AP3B2: variants seen among roughly 807,000 people sequenced by gnomAD.
AP3B2 encodes adaptor related protein complex 3 subunit beta 2, also known as AP-3 complex subunit beta-2.
A neutral mutation model predicts 126.9 loss-of-function variants in AP3B2; 50 were observed. The observed-to-expected ratio is 0.39, with a 90% CI of 0.31 to 0.50. AP3B2 has a LOEUF of 0.50. AP3B2 is among the 20% of genes least tolerant of loss of function. AP3B2 has a pLI of 0.79. For synonymous variants in AP3B2, 541 were observed against 565.0 expected, an observed-to-expected ratio of 0.96 and a Z score of 0.60; for missense variants, 1,177 against 1,426.4, an observed-to-expected ratio of 0.83 and a Z score of 2.82.
intron 4 of AP3B2, 197 bp downstream of exon 4, chr15:82,688,538 TC>T (rs1232072456): frequency 1.4e-6 from 1 of 705,756 alleles, no homozygotes; most frequent in Non-Finnish European, 2.6e-6. Flanking sequence ...CCACTTCATC[TC>T]TTACGCCCCT....
At chr15:82,669,852 T>G (rs548203662) in intron 14 of AP3B2, among the ~76,000 whole-genome samples, 2 of 149,090 alleles carry the variant, frequency 1.3e-5, no homozygotes, top group African/African-American at 4.9e-5. Flanking sequence ...AAATACAAAA[T>G]TAGCTGGGCA....
chr15:82,681,877 T>C lies in AP3B2; in HGVS notation c.361-297A>G, dbSNP rs1319934194. ...AACACCTGAAACACTTCCTGTTCCT[T>C]GTAAGGGTTTTTTTGGAGGTGCCTG... On this transcript the variant is annotated intron_variant, in intron 4 of 26. Transcript: ENST00000535359. This position sits in a 1 kb window ranked among gnomAD's most constrained non-coding sequence, Gnocchi z 4.0. Among the ~76,000 whole-genome samples the C allele has an allele frequency of 1.3e-5, 2 of 152,100 alleles. No homozygotes were observed. Among genetic ancestry groups the C allele is most frequent in the Admixed American group, 6.5e-5 (1 of 15,268 alleles).
At chr15:82,709,272 G>A (rs2048841207) in intron 1 of AP3B2, among the ~76,000 whole-genome samples, 1 of 152,186 alleles carries the variant, frequency 6.6e-6, no homozygotes, top group Admixed American at 6.5e-5. Context: ...GCACGAAAAA[G>A]GAAGGGAACC....
chr15:82,674,021 C>T (rs2048202065), intron 14 of AP3B2, among the ~76,000 whole-genome samples: 1 of 152,178 alleles, frequency 6.6e-6, no homozygotes, highest in Admixed American at 6.5e-5. Flanking sequence ...TCCCCCGCCA[C>T]CTGCATGTTA....
At chr15:82,678,257 A>G (rs1299320916) in intron 10 of AP3B2, 90 bp from the exon 11 acceptor site, 3 of 1,240,820 alleles carry the variant, frequency 2.4e-6, no homozygotes, top group Admixed American at 1.9e-5. Context: ...TAGACCAGAA[A>G]ACAATCCTCA....
chr15:82,671,425 C>A (rs1036321939), intron 14 of AP3B2, among the ~76,000 whole-genome samples: 1 of 152,146 alleles, frequency 6.6e-6, no homozygotes, highest in Non-Finnish European at 1.5e-5. Context: ...GTCTGGAGAA[C>A]AGTTTGGAGG....
intron 14 of AP3B2, among the ~76,000 whole-genome samples, chr15:82,672,905 G>C (rs1209025413): frequency 3.9e-5 from 6 of 152,212 alleles, no homozygotes. Context: ...GCCCCCAGCT[G>C]ACAGCCAGCA....
chr15:82,669,376 G>A (rs191724303), intron 14 of AP3B2, among the ~76,000 whole-genome samples: 5 of 152,268 alleles, frequency 3.3e-5, no homozygotes, highest in East Asian at 1.9e-4. Context: ...CAGTAAAGTC[G>A]CAGGATACAA....
intron 14 of AP3B2, 82 bp downstream of exon 14, chr15:82,676,379 C>T (rs1337071075): frequency 2.8e-6 from 4 of 1,449,618 alleles, no homozygotes; most frequent in African/African-American, 2.8e-5. Flanking sequence ...GAGTTCAGCC[C>T]TGCCTAGGGA....
Position 82,680,502 on chromosome 15 carries a change from T to C in AP3B2, c.1025A>G (p.Lys342Arg). The C allele has an allele frequency of 6.6e-7, 1 of 1,525,910 alleles. No homozygotes were observed. The highest frequency in any genetic ancestry group is 1.4e-5 in the African/African-American group (1 of 72,652). 94.5% of individuals were successfully genotyped at this position (1,525,910 alleles called of 1,614,324 possible). The change falls in exon 8 of 27, where the codon AAG (lysine) becomes AGG (arginine). Residue 342 changes from lysine to arginine, a missense_variant. By Grantham distance (26) the Lys-to-Arg change is conservative (BLOSUM62 2). This residue lies in a region of AP3B2 where 308 missense variants were observed against 452.4 expected (regional missense o/e 0.68). Transcript: ENST00000535359. This position sits in a 1 kb window ranked among gnomAD's most constrained non-coding sequence, Gnocchi z 6.1. ...GCTGCGCAGCAGGCGCACCAGCGCC[T>C]TGGCGATGACGCCCACTTCCGCCTT... ...APKAEVGVIA[K>R]ALVRLLRSHS...
At chr15:82,694,012 T>G (rs1238317643) in intron 1 of AP3B2, among the ~76,000 whole-genome samples, 1 of 149,852 alleles carries the variant, frequency 6.7e-6, no homozygotes, top group Non-Finnish European at 1.5e-5. Context: ...TTTTTTTCGT[T>G]TTTCTGTTTG....
Position 82,659,425 on chromosome 15 carries a change from G to T in AP3B2, c.*135C>A. The T allele has an allele frequency of 8.4e-7, 1 of 1,196,570 alleles. No homozygotes were observed. Among genetic ancestry groups the T allele is most frequent in the Non-Finnish European group, 1.2e-6 (1 of 847,110 alleles). 74.1% of individuals were successfully genotyped at this position (1,196,570 alleles called of 1,614,324 possible). A position where few individuals can be genotyped will look rare whatever the true frequency, so the allele number is the denominator to read the frequency against. Reference sequence around the variant, plus strand: ...TTAGGGGAGGGCTTGGTCCTCCAGAGGGAGAGAGGACACCCTGAATGCTAT... The same window carrying T: ...TTAGGGGAGGGCTTGGTCCTCCAGATGGAGAGAGGACACCCTGAATGCTAT... On this transcript the variant is annotated 3_prime_UTR_variant, in exon 27 of 27. Transcript: ENST00000535359.
At position 82,666,916 on chromosome 15, in the gene AP3B2, C is replaced by T. The variant is rs1211978142; in HGVS notation, c.1683G>A (p.Gln561=). ...CATATTTGGCCAGACTCAGCACATA[C>T]TGGGTCAGCAGCTTGGTCTGGAGGA... ...TNSKQTKLLT[Q]YVLSLAKYDQ... The change falls in exon 15 of 27, where the codon CAG becomes CAA. Residue 561 remains glutamine, a synonymous_variant. Transcript: ENST00000535359. 8 of 1,611,634 alleles carry T rather than the reference C, an allele frequency of 5.0e-6. No individual in the cohort carries two copies. Among genetic ancestry groups the T allele is most frequent in the Non-Finnish European group, 6.8e-6 (8 of 1,178,116 alleles).
chr15:82,663,939 C>T lies in AP3B2; in HGVS notation c.2298G>A (p.Lys766=). 6.2e-7 allele frequency: 1 copy of T among 1,608,414 alleles called. No homozygotes were observed. The highest frequency in any genetic ancestry group is 8.5e-7 in the Non-Finnish European group (1 of 1,179,800). Residue 766 remains lysine (K), a synonymous_variant, in exon 20 of 27, where the codon AAG becomes AAA. Coordinates refer to ENST00000535359, the MANE Select transcript of AP3B2 (RefSeq NM_001278512.2). ...QSEEDGKRKT[K]KKVPERKGEA... ...CTCCTTTTCTCTCTGGCACCTTCTT[C>T]TTTGTCTTCCTCTTACCATCCTCCT... is the stretch of plus-strand genomic sequence containing the variant.
intron 4 of AP3B2, among the ~76,000 whole-genome samples, chr15:82,682,089 G>T (rs2048349956): frequency 8.5e-6 from 1 of 117,152 alleles, no homozygotes; most frequent in East Asian, 2.7e-4. Flanking sequence ...GTCTCGCTCT[G>T]TCGCCAGGCT....
Position 82,665,376 on chromosome 15 carries a change from A to AACACACACACACAC in AP3B2, c.1971+67_1972-74dup, listed in dbSNP as rs60428596. On this transcript the variant is annotated intron_variant, in intron 16 of 26. Transcript: ENST00000535359. This position sits in a 1 kb window ranked among gnomAD's most constrained non-coding sequence, Gnocchi z 4.4. Reference sequence around the variant, plus strand: ...GGGCTCCCTACTGTCTGCCCCCACCAACACACACACACACACACACACACA... The same window carrying AACACACACACACAC: ...GGGCTCCCTACTGTCTGCCCCCACCAACACACACACACACACACACACACACACACACACACACA... 4.8e-4 allele frequency: 609 copies of AACACACACACACAC among 1,257,438 alleles called. 2 individuals are homozygous for AACACACACACACAC. The highest frequency in any genetic ancestry group is 1.9e-3 in the African/African-American group (112 of 58,092). The allele number at this position is 1,257,438 out of a possible 1,614,324, so 77.9% of individuals were successfully genotyped here.
intron 14 of AP3B2, among the ~76,000 whole-genome samples, chr15:82,670,224 C>T (rs1596173353): frequency 6.7e-6 from 1 of 150,140 alleles, no homozygotes; most frequent in African/African-American, 2.5e-5. Context: ...ATTCTCCTGC[C>T]TCAGCCTCCC....
intron 13 of AP3B2, 147 bp from the exon 14 acceptor site, chr15:82,676,784 T>G (rs7496954): frequency 0.56 from 399,156 of 711,810 alleles, 108,717 homozygotes; most frequent in Admixed American, 0.59. Flanking sequence ...GGTGGTGAGA[T>G]AGAGAGAGGT....
chr15:82,664,767 C>G lies in AP3B2; in HGVS notation c.2137+68G>C. ...AGACACACAACCATATACATATACC[C>G]CTCATATAGTCAGTCACACAGATGC... On this transcript the variant is annotated intron_variant, in intron 18 of 26. Transcript: ENST00000535359. This position sits in a 1 kb window ranked among gnomAD's most constrained non-coding sequence, Gnocchi z 4.5. 1 of 1,238,810 alleles carries G rather than the reference C, an allele frequency of 8.1e-7. No individual in the cohort carries two copies. Among genetic ancestry groups the G allele is most frequent in the African/African-American group, 1.5e-5 (1 of 66,986 alleles). 76.7% of individuals were successfully genotyped at this position (1,238,810 alleles called of 1,614,324 possible).
Sources: allele counts gnomAD v4.1 joint callset (sites outside exome capture counted in the v4.1 genomes callset), GRCh38; gene constraint gnomAD v4.1.1; regional missense constraint gnomAD v4.1.1; non-coding constraint Gnocchi (gnomAD v3.1); transcripts MANE v1.5; gene names NCBI Gene and HGNC (gene_info 2026-07-23, HGNC 2026-07-21).